The following SPARCL1 variants were observed in gnomAD, a reference collection of about 807,000 sequenced individuals.
SPARCL1 encodes the protein SPARC like 1.
A neutral mutation model predicts 67.1 loss-of-function variants in SPARCL1; 52 were observed. That is an observed-to-expected ratio of 0.78 (90% CI 0.62 to 0.98). The LOEUF is 0.98. Among genes scored for constraint, SPARCL1 ranks in the 50% least tolerant of loss-of-function variants. The probability of loss-of-function intolerance (pLI) is 0.00; values close to 1 mark genes in which losing one functional copy is unlikely to be tolerated. For synonymous variants in SPARCL1, 226 were observed against 267.8 expected (o/e 0.84, Z 1.52); for missense variants, 717 against 782.4 (o/e 0.92, Z 1.00).
intron 5 of SPARCL1, 65 bp downstream of exon 5, chr4:87,491,553 C>T: frequency 2.3e-6 from 3 of 1,298,660 alleles, no homozygotes; most frequent in East Asian, 2.3e-5. Flanking sequence ...AGGGACAAGC[C>T]CAAAGTGGCA....
chr4:87,525,689 C>T (rs1479372425), intron 1 of SPARCL1, among the ~76,000 whole-genome samples: 1 of 152,148 alleles, frequency 6.6e-6, no homozygotes, highest in Non-Finnish European at 1.5e-5. Flanking sequence ...AAACATTTAG[C>T]TACTGCAATG....
At chr4:87,480,615 C>T (rs1723781071) in intron 8 of SPARCL1, 95 bp from the exon 9 acceptor site, 1 of 1,191,198 alleles carries the variant, frequency 8.4e-7, no homozygotes, top group Non-Finnish European at 1.2e-6. Context: ...GACAGTAACA[C>T]GATAGGGGAA....
chr4:87,481,958 C>G (rs1723840429), intron 8 of SPARCL1, among the ~76,000 whole-genome samples: 2 of 152,162 alleles, frequency 1.3e-5, no homozygotes, highest in Non-Finnish European at 2.9e-5. Flanking sequence ...CAATAACTAT[C>G]TGGTGAATGA....
At chr4:87,519,856 T>C (rs1389482647) in intron 1 of SPARCL1, among the ~76,000 whole-genome samples, 5 of 152,186 alleles carry the variant, frequency 3.3e-5, no homozygotes, top group African/African-American at 1.2e-4. Flanking sequence ...GAATTTAGGA[T>C]GACCCCTCTC....
chr4:87,511,507 A>T (rs1171626574), intron 1 of SPARCL1, among the ~76,000 whole-genome samples: 4 of 152,206 alleles, frequency 2.6e-5, no homozygotes, highest in Non-Finnish European at 5.9e-5. Flanking sequence ...TGCATGCTGT[A>T]GCATGAGCAG....
intron 1 of SPARCL1, among the ~76,000 whole-genome samples, chr4:87,521,760 C>A (rs1725828236): frequency 6.6e-6 from 1 of 152,168 alleles, no homozygotes; most frequent in Non-Finnish European, 1.5e-5. Flanking sequence ...TTGTTACTTT[C>A]TTTTTCTTAT....
chr4:87,506,571 T>C (rs1317883797), intron 1 of SPARCL1, among the ~76,000 whole-genome samples: 1 of 152,178 alleles, frequency 6.6e-6, no homozygotes, highest in Non-Finnish European at 1.5e-5. Flanking sequence ...GATATTCTGC[T>C]GTTGGATTGG....
chr4:87,513,428 G>A (rs1725456715), intron 1 of SPARCL1, among the ~76,000 whole-genome samples: 1 of 152,156 alleles, frequency 6.6e-6, no homozygotes, highest in Non-Finnish European at 1.5e-5. Flanking sequence ...TCTGGCTTTG[G>A]GCCCTGGCTT....
At chr4:87,500,968 G>C (rs1413864558) in intron 1 of SPARCL1, among the ~76,000 whole-genome samples, 1 of 152,078 alleles carries the variant, frequency 6.6e-6, no homozygotes, top group Non-Finnish European at 1.5e-5. Context: ...TTTCTTGAAC[G>C]ATATTTTGCT....
intron 1 of SPARCL1, among the ~76,000 whole-genome samples, chr4:87,525,141 C>A (rs1432571778): frequency 1.4e-5 from 2 of 146,712 alleles, no homozygotes; most frequent in Non-Finnish European, 3.0e-5. Flanking sequence ...CTAGCCTGGG[C>A]AATAGAGCAA....
chr4:87,494,411 T>C lies in SPARCL1; in HGVS notation c.389A>G (p.Gln130Arg). 1.2e-6 allele frequency: 2 copies of C among 1,614,198 alleles called. No individual in the cohort carries two copies. The highest frequency in any genetic ancestry group is 1.7e-6 in the Non-Finnish European group (2 of 1,180,040). Residue 130 changes from glutamine to arginine, a missense_variant, in exon 4 of 11, where the codon CAG becomes CGG. Physicochemically the swap from Gln to Arg is conservative, Grantham distance 43. Coordinates refer to ENST00000282470, the MANE Select transcript of SPARCL1 (RefSeq NM_004684.6). ...AGTGTTCTCTGAGAGTTTTTTCTCC[T>C]GAGGCTCACTCATATCTTCTTTTAT... ...LDIKEDMSEP[Q>R]EKKLSENTDF... is the part of the protein sequence containing the mutation.
intron 1 of SPARCL1, among the ~76,000 whole-genome samples, chr4:87,522,458 C>G (rs1218867441): frequency 6.6e-6 from 1 of 151,708 alleles, no homozygotes; most frequent in Non-Finnish European, 1.5e-5. Flanking sequence ...ACATTTAGTG[C>G]TCAGGGAAGG....
chr4:87,522,493 C>T (rs561673848), intron 1 of SPARCL1, among the ~76,000 whole-genome samples: 32 of 151,882 alleles, frequency 2.1e-4, no homozygotes, highest in Admixed American at 7.2e-4. Context: ...TTTACATCTT[C>T]CACTGCTCTG....
intron 2 of SPARCL1, among the ~76,000 whole-genome samples, chr4:87,499,186 G>A (rs1724745875): frequency 6.6e-6 from 1 of 151,950 alleles, no homozygotes; most frequent in Admixed American, 6.6e-5. Flanking sequence ...TAAAATCTTG[G>A]GTTTATAATA....
At chr4:87,482,184 T>C (rs911990109) in intron 8 of SPARCL1, among the ~76,000 whole-genome samples, 1 of 152,200 alleles carries the variant, frequency 6.6e-6, no homozygotes, top group Non-Finnish European at 1.5e-5. Flanking sequence ...TAGGTAGGAA[T>C]TGAAGAGCCC....
rs553492229 is a variant in SPARCL1, at chr4:87,516,887, G to T, written c.-12+12158C>A. On this transcript the variant is annotated intron_variant, in intron 1 of 10. Transcript: ENST00000282470. Reference sequence around the variant, plus strand: ...TTAATCATGCCTTTCAGAGTTTCTCGTCTTATCATACCACTCACTAATCTC... The same window carrying T: ...TTAATCATGCCTTTCAGAGTTTCTCTTCTTATCATACCACTCACTAATCTC... 3.6e-3 allele frequency among the ~76,000 whole-genome samples: 541 copies of T among 152,130 alleles called. 1 individual carries two copies. The highest frequency in any genetic ancestry group is 6.3e-3 in the Non-Finnish European group (431 of 68,006).
intron 1 of SPARCL1, among the ~76,000 whole-genome samples, chr4:87,526,784 A>G (rs1192474110): frequency 6.6e-6 from 1 of 152,236 alleles, no homozygotes; most frequent in Non-Finnish European, 1.5e-5. Context: ...CGGAGTTTCA[A>G]TAGGGACATA....
intron 1 of SPARCL1, among the ~76,000 whole-genome samples, chr4:87,508,216 C>CT (rs140005521): frequency 0.3 from 45,146 of 149,676 alleles, 7,302 homozygotes; most frequent in East Asian, 0.58. Context: ...TTTTTGGCCT[C>CT]TTTTTTTTTT....
intron 10 of SPARCL1, among the ~76,000 whole-genome samples, chr4:87,477,747 A>G (rs998989663): frequency 6.6e-6 from 1 of 152,140 alleles, no homozygotes; most frequent in African/African-American, 2.4e-5. Context: ...CTTGACCACA[A>G]CCTAATGAGA....
Sources: allele counts gnomAD v4.1 joint callset (sites outside exome capture counted in the v4.1 genomes callset), GRCh38; gene constraint gnomAD v4.1.1; transcripts MANE v1.5; gene names NCBI Gene and HGNC (gene_info 2026-07-23, HGNC 2026-07-21).